LIFR: variants seen among roughly 807,000 people sequenced by gnomAD.
The protein encoded by LIFR is LIF receptor subunit alpha.
A neutral mutation model predicts 122.2 loss-of-function variants in LIFR; 84 were observed. The observed-to-expected ratio is 0.69, with a 90% CI of 0.58 to 0.82. The LOEUF is 0.82. Among genes scored for constraint, LIFR ranks in the 40% least tolerant of loss-of-function variants. The pLI is 0.00. For missense variants in LIFR, 1,294 were observed against 1,311.6 expected (o/e 0.99, Z 0.21); for synonymous variants, 422 against 434.7 (o/e 0.97, Z 0.36).
chr5:38,526,579 T>A (rs986322813), intron 4 of LIFR, among the ~76,000 whole-genome samples: 1 of 152,180 alleles, frequency 6.6e-6, no homozygotes, highest in East Asian at 1.9e-4. Flanking sequence ...CAGCTATACA[T>A]GCATTGCAGA....
Position 38,572,851 on chromosome 5 carries a change from C to T in LIFR, c.-20+22410G>A, listed in dbSNP as rs374048058. 2.6e-5 allele frequency among the ~76,000 whole-genome samples: 4 copies of T among 152,112 alleles called. No homozygotes were observed. In the East Asian group the frequency reaches 7.7e-4, roughly 29 times the overall value. ...TCATAGTCATCTAAGTCACCATCAT[C>T]TCTCACCCAAACTGTTGTGATCACA... is the stretch of plus-strand genomic sequence containing the variant. On this transcript the variant is annotated intron_variant, in intron 1 of 19. Coordinates refer to the LIFR transcript ENST00000263409.
At chr5:38,567,494 C>CTGTATTTATTTATTTATTTA (rs1554029742) in intron 1 of LIFR, among the ~76,000 whole-genome samples, 958 of 88,404 alleles carry the variant, frequency 0.011, 7 homozygotes, top group Middle Eastern at 0.065. Context: ...TATGACCATT[C>CTGTATTTATTTATTTATTTA]TGTATTTATT....
At chr5:38,504,239 C>A in intron 9 of LIFR, 118 bp from the exon 10 acceptor site, 1 of 696,308 alleles carries the variant, frequency 1.4e-6, no homozygotes, top group Non-Finnish European at 2.5e-6. Flanking sequence ...TGACCAACAA[C>A]ATCCTACCCA....
chr5:38,600,720 A>G (rs1750207669), intron 2 of LIFR, among the ~76,000 whole-genome samples: 1 of 152,148 alleles, frequency 6.6e-6, no homozygotes, highest in East Asian at 1.9e-4. Flanking sequence ...TTATTGTTCA[A>G]ATTTCTCCTT....
chr5:38,491,025 C>A (rs3756418), intron 14 of LIFR, among the ~76,000 whole-genome samples: 3,173 of 152,260 alleles, frequency 0.021, 58 homozygotes, highest in African/African-American at 0.051. Flanking sequence ...CCACTGCTCT[C>A]TCCTCTTGTT....
chr5:38,528,955 A>C, intron 2 of LIFR, 115 bp from the exon 3 acceptor site: 1 of 718,878 alleles, frequency 1.4e-6, no homozygotes, highest in Non-Finnish European at 2.5e-6. Context: ...TGTAAGCACA[A>C]GCATGTGTGT....
At chr5:38,512,986 A>G (rs1376338678) in intron 5 of LIFR, among the ~76,000 whole-genome samples, 1 of 152,194 alleles carries the variant, frequency 6.6e-6, no homozygotes, top group Non-Finnish European at 1.5e-5. Flanking sequence ...AAGTTATACT[A>G]ATACAAATTA....
intron 1 of LIFR, among the ~76,000 whole-genome samples, chr5:38,547,227 G>A (rs1015425566): frequency 2.6e-5 from 4 of 152,058 alleles, no homozygotes; most frequent in Non-Finnish European, 5.9e-5. Flanking sequence ...GAGATAGATA[G>A]AATACATATC....
intron 1 of LIFR, among the ~76,000 whole-genome samples, chr5:38,563,421 TAA>T (rs1366264046): frequency 2.0e-5 from 3 of 152,210 alleles, no homozygotes; most frequent in Admixed American, 6.5e-5. Context: ...GTTATTAACA[TAA>T]AGAGTCCCCA....
chr5:38,514,617 C>T (rs1260024741), intron 5 of LIFR, among the ~76,000 whole-genome samples: 1 of 152,128 alleles, frequency 6.6e-6, no homozygotes, highest in East Asian at 1.9e-4. Context: ...TGCAAGCTAG[C>T]TATTATAGAT....
At chr5:38,543,589 A>G (rs1326379021) in intron 1 of LIFR, among the ~76,000 whole-genome samples, 1 of 152,210 alleles carries the variant, frequency 6.6e-6, no homozygotes, top group Non-Finnish European at 1.5e-5. Context: ...TACTTCTAGG[A>G]AATTCTCCTC....
At chr5:38,594,689 C>T (rs1750040697) in intron 1 of LIFR, among the ~76,000 whole-genome samples, 1 of 152,174 alleles carries the variant, frequency 6.6e-6, no homozygotes, top group South Asian at 2.1e-4. Flanking sequence ...AAAATATTTT[C>T]AGGCACTCTA....
intron 5 of LIFR, among the ~76,000 whole-genome samples, chr5:38,519,519 A>C (rs1366401893): frequency 6.6e-6 from 1 of 152,166 alleles, no homozygotes; most frequent in African/African-American, 2.4e-5. Flanking sequence ...TGCTAACTAC[A>C]GTCACCCTAC....
chr5:38,506,545 G>A lies in LIFR; in HGVS notation c.1079C>T (p.Ala360Val), dbSNP rs1181323616. ...GCTTGTAGCACGTGGGCCCACCAAC[G>A]CTGTCACCCTTCCTGGATTCCAACT... The part of the protein sequence containing the change: ...ICSWNPGRVT[A>V]LVGPRATSYT... Residue 360 changes from alanine (A) to valine (V), a missense_variant, in exon 8 of 20, where the codon GCG (alanine) becomes GTG (valine). Coordinates refer to ENST00000453190, the MANE Select transcript of LIFR (RefSeq NM_001127671.2). 7 of 1,613,888 alleles carry A rather than the reference G, an allele frequency of 4.3e-6. No individual in the cohort carries two copies. The highest frequency in any genetic ancestry group is 3.3e-5 in the South Asian group (3 of 91,062).
chr5:38,565,961 CAGTG>C (rs1295505589), intron 1 of LIFR, among the ~76,000 whole-genome samples: 44 of 152,228 alleles, frequency 2.9e-4, no homozygotes, highest in African/African-American at 1.1e-3. Context: ...AAGGAAACAA[CAGTG>C]AGTGAGACAA....
intron 13 of LIFR, among the ~76,000 whole-genome samples, chr5:38,494,381 G>C (rs1247576865): frequency 6.6e-6 from 1 of 152,120 alleles, no homozygotes; most frequent in African/African-American, 2.4e-5. Flanking sequence ...ACCCAGAGGC[G>C]ATGAGGTGGG....
chr5:38,596,161 T>C (rs1459928226), upstream of LIFR, among the ~76,000 whole-genome samples: 1 of 152,138 alleles, frequency 6.6e-6, no homozygotes, highest in African/African-American at 2.4e-5. Context: ...ATATGGACAA[T>C]TTGTACCACT....
intron 5 of LIFR, among the ~76,000 whole-genome samples, chr5:38,518,215 A>T (rs1287729812): frequency 2.6e-5 from 4 of 152,182 alleles, no homozygotes; most frequent in African/African-American, 9.6e-5. Flanking sequence ...AGGACATTTT[A>T]AATTAAAATA....
rs1743758445 is a variant in LIFR at position 38,477,062 on chromosome 5, T to A, written c.*4533A>T. On this transcript the variant is annotated 3_prime_UTR_variant, in exon 20 of 20. Transcript: ENST00000453190. ...TACAATAAAGCCTGAAATAGCCAAC[T>A]AATTGAATGTTATTCTTAATCCTTT... is the stretch of plus-strand genomic sequence containing the variant. 4.5e-6 allele frequency: 1 copy of A among 224,716 alleles called. No homozygotes were observed. The highest frequency in any genetic ancestry group is 8.9e-6 in the Non-Finnish European group (1 of 112,794). 13.9% of individuals were successfully genotyped at this position (224,716 alleles called of 1,614,324 possible). A position where few individuals can be genotyped will look rare whatever the true frequency, so the allele number is the denominator to read the frequency against.
Sources: allele counts gnomAD v4.1 joint callset (sites outside exome capture counted in the v4.1 genomes callset), GRCh38; gene constraint gnomAD v4.1.1; transcripts MANE v1.5; gene names NCBI Gene and HGNC (gene_info 2026-07-23, HGNC 2026-07-21).